The following NCAPG variants were observed in gnomAD, a reference collection of about 807,000 sequenced individuals.
NCAPG encodes condensin complex subunit 3.
Under a neutral mutation model 113.1 loss-of-function variants are expected in NCAPG, and 69 were observed. The observed-to-expected ratio is 0.61, with a 90% CI of 0.50 to 0.75. The LOEUF (loss-of-function observed/expected upper bound fraction) is 0.75. Ranked by LOEUF, NCAPG falls within the 30% of genes least tolerant of loss-of-function variation. NCAPG has a pLI of 0.00. For synonymous variants in NCAPG, 370 were observed against 415.8 expected (o/e 0.89, Z 1.34); for missense variants, 1,058 against 1,177.0 (o/e 0.90, Z 1.48).
At chr4:17,834,163 G>A in intron 13 of NCAPG, 136 bp from the exon 14 acceptor site, 1 of 515,222 alleles carries the variant, frequency 1.9e-6, no homozygotes, top group East Asian at 3.3e-5. Context: ...TTTTTGAAAA[G>A]TGATGTTTTC....
In NCAPG at chr4:17,823,758, GA is replaced by G; in HGVS notation, c.1372del (p.Arg458GlufsTer28). 3 of 1,594,762 alleles carry G rather than the reference GA, an allele frequency of 1.9e-6. No homozygotes were observed. The highest frequency in any genetic ancestry group is 2.6e-6 in the Non-Finnish European group (3 of 1,166,114). ...TCCACATCATTATAGATGATAATAA[GA>G]GAACACAAATTGTAAGTAATTTTCC... ...LLHIIIDDNK[R>X]TQIVTEIISE... On this transcript the variant is annotated frameshift_variant, in exon 9 of 21. Coordinates refer to ENST00000251496, the MANE Select transcript of NCAPG (RefSeq NM_022346.5). LOFTEE classifies it high-confidence loss of function.
intron 7 of NCAPG, among the ~76,000 whole-genome samples, chr4:17,819,407 ATT>A (rs11430673): frequency 1.4e-5 from 2 of 145,194 alleles, no homozygotes. Context: ...TTTATGGTTT[ATT>A]TTTTTTTTTT....
intron 13 of NCAPG, among the ~76,000 whole-genome samples, chr4:17,833,764 CTA>C (rs1237136878): frequency 6.6e-6 from 1 of 151,808 alleles, no homozygotes; most frequent in East Asian, 1.9e-4. Flanking sequence ...ATAAAGGAGT[CTA>C]GTTGAAAACT....
At chr4:17,812,877 T>C (rs1259713311) in intron 2 of NCAPG, 40 bp from the exon 3 acceptor site, 1 of 1,491,566 alleles carries the variant, frequency 6.7e-7, no homozygotes, top group Non-Finnish European at 9.3e-7. Context: ...TTGGGAGTGG[T>C]ATGTGACTAT....
intron 16 of NCAPG, 79 bp downstream of exon 16, chr4:17,837,880 G>A: frequency 6.6e-7 from 1 of 1,510,372 alleles, no homozygotes; most frequent in South Asian, 1.2e-5. Flanking sequence ...AAATACTGAG[G>A]AACTGCATTT....
rs531087866 is a variant in NCAPG, at chr4:17,811,298, C to T, written c.111+110C>T. On this transcript the variant is annotated intron_variant, in intron 1 of 20. Transcript: ENST00000251496. The surrounding 1 kb of genome is among the most constrained non-coding windows in gnomAD (Gnocchi z 5.3). ...CGCACCGTGACTCCAGCCTTGTTCACCTTCGCGACTCACTTCATAGGGATC... is the reference window on the plus strand; with the variant it reads ...CGCACCGTGACTCCAGCCTTGTTCATCTTCGCGACTCACTTCATAGGGATC... The T allele has an allele frequency of 2.0e-4, 121 of 610,250 alleles. No individual in the cohort carries two copies. Among genetic ancestry groups the T allele is most frequent in the Non-Finnish European group, 3.1e-4 (115 of 369,770 alleles). 37.8% of individuals were successfully genotyped at this position (610,250 alleles called of 1,614,324 possible).
rs780725128 is a variant in NCAPG at position 17,825,567 on chromosome 4, G to C, written c.1653+6G>C. ...AAGAAGTCCACATAGAGAAGGTACA[G>C]GTAACTTTTTTCATACTAAATCTCA... is the stretch of plus-strand genomic sequence containing the variant. On this transcript the variant is annotated splice_donor_region_variant and intron_variant, in intron 11 of 20. Coordinates refer to ENST00000251496, the MANE Select transcript of NCAPG (RefSeq NM_022346.5). 2 of 1,575,158 alleles carry C rather than the reference G, an allele frequency of 1.3e-6. No individual in the cohort carries two copies. Among genetic ancestry groups the C allele is most frequent in the Non-Finnish European group, 1.7e-6 (2 of 1,169,172 alleles).
rs1722164746 is a variant in NCAPG at position 17,837,815 on chromosome 4, G to A, written c.2466+14G>A. ...CAAGATTATCAGGTGAGTGACTGTG[G>A]TAACTGCATGCAGATCACTGTTTTG... On this transcript the variant is annotated intron_variant, in intron 16 of 20. Transcript: ENST00000251496. 6.2e-7 allele frequency: 1 copy of A among 1,613,034 alleles called. No homozygotes were observed. Among genetic ancestry groups the A allele is most frequent in the African/African-American group, 1.3e-5 (1 of 74,868 alleles).
rs1721546802 is a variant in NCAPG, at chr4:17,823,693, A to G, written c.1306A>G (p.Ile436Val). The G allele has an allele frequency of 1.9e-6, 3 of 1,610,462 alleles. No individual in the cohort carries two copies. Among genetic ancestry groups the G allele is most frequent in the East Asian group, 4.5e-5 (2 of 44,700 alleles). ...ACAGGAGATTCTTATTTTACCCACA[A>G]TCCCAATATCCCTGGTTTCTTTTCT... is the stretch of plus-strand genomic sequence containing the variant. ...VLQEILILPT[I>V]PISLVSFLVE... The change falls in exon 9 of 21, where the codon ATC (isoleucine) becomes GTC (valine). Residue 436 changes from isoleucine to valine, a missense_variant. Ile to Val is a conservative substitution (Grantham distance 29). Coordinates refer to ENST00000251496, the MANE Select transcript of NCAPG (RefSeq NM_022346.5).
rs141409782 is a variant in NCAPG, at chr4:17,829,184, TTTG to T, written c.1764+811_1764+813del. 6.9e-3 allele frequency among the ~76,000 whole-genome samples: 1,049 copies of T among 152,182 alleles called. 15 individuals carry two copies. The highest frequency in any genetic ancestry group is 0.023 in the African/African-American group (974 of 41,516). ...AATGGCTACAGTATTAGTGCGCTGT[TTTG>T]TTGTTGTTGTTGTTTTTGATAGTAC... On this transcript the variant is annotated intron_variant, in intron 12 of 20. Coordinates refer to ENST00000251496, the MANE Select transcript of NCAPG (RefSeq NM_022346.5).
intron 20 of NCAPG, 38 bp from the exon 21 acceptor site, chr4:17,843,264 C>G (rs1423013745): frequency 6.3e-7 from 1 of 1,583,908 alleles, no homozygotes; most frequent in Admixed American, 1.8e-5. Context: ...GGTTTTAAAG[C>G]TTGTATCTAA....
At position 17,821,988 on chromosome 4, in the gene NCAPG, TTAAAA is replaced by T. The variant is rs549676832; in HGVS notation, c.1119-989_1119-985del. Among the ~76,000 whole-genome samples, 42 of 152,132 alleles carry T rather than the reference TTAAAA, an allele frequency of 2.8e-4. 1 individual carries two copies. The South Asian group carries it at 6.6e-3, about 24-fold the overall frequency. ...TGATGTCTGTAGTAAGAATAAAAAGTTAAAATAAAAGGTAGCTGATGGTGGTGGTG... is the reference window on the plus strand; with the variant it reads ...TGATGTCTGTAGTAAGAATAAAAAGTTAAAAGGTAGCTGATGGTGGTGGTG... On this transcript the variant is annotated intron_variant, in intron 7 of 20. Coordinates refer to ENST00000251496, the MANE Select transcript of NCAPG (RefSeq NM_022346.5).
rs1007806345 is a variant in NCAPG at position 17,825,052 on chromosome 4, C to T, written c.1468C>T (p.Leu490Phe). ...TCCAGCTGATGTAAGAAAGAAAGAA[C>T]TCAAGGTAAGTCTCTTTTAAATGAA... is the stretch of plus-strand genomic sequence containing the variant. ...NDPADVRKKE[L>F]KMAEIKVKLI... The change falls in exon 10 of 21, where the codon CTC becomes TTC. Residue 490 changes from leucine (L) to phenylalanine (F), a missense_variant. By Grantham distance (22) the Leu-to-Phe change is conservative. Transcript: ENST00000251496. 5.6e-6 allele frequency: 9 copies of T among 1,610,354 alleles called. No homozygotes were observed. The highest frequency in any genetic ancestry group is 7.6e-6 in the Non-Finnish European group (9 of 1,177,474).
chr4:17,824,674 G>A (rs775037867), intron 9 of NCAPG, among the ~76,000 whole-genome samples: 1 of 152,098 alleles, frequency 6.6e-6, no homozygotes, highest in Non-Finnish European at 1.5e-5. Context: ...CTCATCTTAA[G>A]CACCATAATT....
chr4:17,838,939 C>T (rs1013946877), intron 16 of NCAPG, among the ~76,000 whole-genome samples: 10 of 152,010 alleles, frequency 6.6e-5, no homozygotes, highest in African/African-American at 2.4e-4. Context: ...GTATAATTCG[C>T]TTGTAGAAAA....
rs1722637542 is a variant in NCAPG, at chr4:17,843,570, A to G, written c.*145A>G. The stretch of plus-strand genomic sequence containing the variant: ...GCGCTTCCACGTTACTTTGGCCTGT[A>G]TTAAAGCAGTAGAGCAGCATCAGTT... On this transcript the variant is annotated 3_prime_UTR_variant, in exon 21 of 21. Coordinates refer to ENST00000251496, the MANE Select transcript of NCAPG (RefSeq NM_022346.5). 4 of 820,110 alleles carry G rather than the reference A, an allele frequency of 4.9e-6. No homozygotes were observed. The highest frequency in any genetic ancestry group is 5.7e-6 in the Non-Finnish European group (3 of 526,006). The allele number at this position is 820,110 out of a possible 1,614,324, so 50.8% of individuals were successfully genotyped here. A position where few individuals can be genotyped will look rare whatever the true frequency, so the allele number is the denominator to read the frequency against.
At chr4:17,824,355 T>A (rs1721574641) in intron 9 of NCAPG, among the ~76,000 whole-genome samples, 1 of 152,150 alleles carries the variant, frequency 6.6e-6, no homozygotes. Context: ...AAAAATCACA[T>A]AATTTCAGTT....
intron 19 of NCAPG, among the ~76,000 whole-genome samples, chr4:17,841,047 G>T (rs1490337468): frequency 6.6e-6 from 1 of 151,792 alleles, no homozygotes; most frequent in Non-Finnish European, 1.5e-5. Flanking sequence ...AATCCCTGTA[G>T]TATTTTTCTG....
chr4:17,830,165 C>T (rs1057192501), intron 12 of NCAPG, among the ~76,000 whole-genome samples: 4 of 151,926 alleles, frequency 2.6e-5, no homozygotes, highest in Admixed American at 6.6e-5. Flanking sequence ...GAGGCCAAGG[C>T]GGGATGGCTT....
Sources: allele counts gnomAD v4.1 joint callset (sites outside exome capture counted in the v4.1 genomes callset), GRCh38; gene constraint gnomAD v4.1.1; non-coding constraint Gnocchi (gnomAD v3.1); transcripts MANE v1.5; gene names NCBI Gene and HGNC (gene_info 2026-07-23, HGNC 2026-07-21).